Variants in C2orf42 observed in about 807,000 individuals in gnomAD.
The protein encoded by C2orf42 is uncharacterized protein C2orf42.
A neutral mutation model predicts 58.9 loss-of-function variants in C2orf42; 44 were observed. The observed-to-expected ratio is 0.75, with a 90% CI of 0.59 to 0.96. The LOEUF (loss-of-function observed/expected upper bound fraction) is 0.96, where lower values mean the gene tolerates loss of function less well. Ranked by LOEUF, C2orf42 falls within the 40% of genes least tolerant of loss-of-function variation. C2orf42 has a pLI of 0.00. For missense variants in C2orf42, 630 were observed against 699.2 expected (o/e 0.90, Z 1.12); for synonymous variants, 239 against 265.4 (o/e 0.90, Z 0.97).
At chr2:70,155,539 C>T (rs575335653) in intron 9 of C2orf42, among the ~76,000 whole-genome samples, 1 of 152,284 alleles carries the variant, frequency 6.6e-6, no homozygotes, top group Admixed American at 6.5e-5. Flanking sequence ...TGGCTCATGC[C>T]TGTAATCCCA....
chr2:70,175,375 G>A (rs1403033340), intron 5 of C2orf42, among the ~76,000 whole-genome samples: 4 of 152,130 alleles, frequency 2.6e-5, no homozygotes, highest in African/African-American at 9.7e-5. Context: ...GCCCCAGTGT[G>A]TGTTGCTCCC....
intron 6 of C2orf42, among the ~76,000 whole-genome samples, chr2:70,169,094 C>T (rs1186167594): frequency 6.6e-6 from 1 of 151,952 alleles, no homozygotes; most frequent in African/African-American, 2.4e-5. Flanking sequence ...TACAGGGTCT[C>T]GCTTCGTTTC....
At chr2:70,190,477 C>T (rs1675277043) in intron 1 of C2orf42, 1 of 152,226 alleles carries the variant, frequency 6.6e-6, no homozygotes, top group Admixed American at 6.5e-5. Flanking sequence ...CTATGTTACC[C>T]ATCTTAGAGA....
intron 9 of C2orf42, among the ~76,000 whole-genome samples, chr2:70,157,507 CTATA>C (rs1258902372): frequency 6.6e-6 from 1 of 151,526 alleles, no homozygotes; most frequent in African/African-American, 2.4e-5. Flanking sequence ...AATGAAAAAG[CTATA>C]TATAGCTGGG....
At chr2:70,179,867 G>C (rs1424360498) in intron 3 of C2orf42, among the ~76,000 whole-genome samples, 8 of 152,108 alleles carry the variant, frequency 5.3e-5, no homozygotes, top group African/African-American at 1.9e-4. Context: ...TAGCCCAGGA[G>C]GGTCAAGGCT....
Position 70,181,495 on chromosome 2 carries a change from T to C in C2orf42, c.491A>G (p.Glu164Gly), listed in dbSNP as rs199928301. 19 of 1,613,666 alleles carry C rather than the reference T, an allele frequency of 1.2e-5. No individual in the cohort carries two copies. The highest frequency in any genetic ancestry group is 1.2e-4 in the Admixed American group (7 of 60,000). ...SVLNAMQASPETKQTIWQLAT... is the reference protein window; with the variant it reads ...SVLNAMQASPGTKQTIWQLAT... ...CAACTGCCAGATGGTCTGTTTGGTT[T>C]CCGGGGAGGCCTGCATTGCATTCAG... The change falls in exon 3 of 10, where the codon GAA becomes GGA. Residue 164 changes from glutamate to glycine, a missense_variant. Coordinates refer to ENST00000264434, the MANE Select transcript of C2orf42 (RefSeq NM_017880.3).
At chr2:70,171,666 C>T (rs953534744) in intron 5 of C2orf42, among the ~76,000 whole-genome samples, 1 of 151,904 alleles carries the variant, frequency 6.6e-6, no homozygotes, top group East Asian at 2.0e-4. Context: ...CACCTGCTAC[C>T]GTGCCTGGCT....
At chr2:70,179,408 T>C in intron 4 of C2orf42, 124 bp downstream of exon 4, 1 of 347,008 alleles carries the variant, frequency 2.9e-6, no homozygotes, top group Admixed American at 4.5e-5. Context: ...TGTCTCTTTA[T>C]TTTAATAAAA....
Position 70,150,336 on chromosome 2 carries a change from G to T in C2orf42, c.*20C>A, listed in dbSNP as rs753385024. On this transcript the variant is annotated 3_prime_UTR_variant, in exon 10 of 10. Transcript: ENST00000264434. The stretch of plus-strand genomic sequence containing the variant: ...GGGATGTGCAAATTAAGCAGCAAAA[G>T]ATTATTATCTTGTTTTGCTTTAAGG... The T allele has an allele frequency of 1.9e-6, 3 of 1,603,848 alleles. No homozygotes were observed. Among genetic ancestry groups the T allele is most frequent in the Non-Finnish European group, 1.7e-6 (2 of 1,172,364 alleles).
At chr2:70,158,772 T>C (rs1248678026) in intron 9 of C2orf42, among the ~76,000 whole-genome samples, 2 of 152,102 alleles carry the variant, frequency 1.3e-5, no homozygotes, top group African/African-American at 2.4e-5. Context: ...TTTGTATTTT[T>C]AGTAGAGATG....
At chr2:70,183,852 C>A (rs983436343) in intron 1 of C2orf42, among the ~76,000 whole-genome samples, 1 of 152,172 alleles carries the variant, frequency 6.6e-6, no homozygotes, top group Admixed American at 6.6e-5. Context: ...CTTACCCAGG[C>A]TGGAGTGCAG....
intron 1 of C2orf42, among the ~76,000 whole-genome samples, chr2:70,188,596 T>A (rs545103996): frequency 7.2e-4 from 109 of 152,310 alleles, no homozygotes; most frequent in African/African-American, 2.1e-3. Context: ...AGTTTCCCAA[T>A]GTTAACATCA....
At chr2:70,177,475 C>G (rs1425845856) in intron 4 of C2orf42, among the ~76,000 whole-genome samples, 1 of 152,092 alleles carries the variant, frequency 6.6e-6, no homozygotes. Flanking sequence ...ACAACAATTT[C>G]TGCTCTATAT....
rs893089710 is a variant in C2orf42, at chr2:70,175,491, C to G, written c.1039+182G>C. Among the ~76,000 whole-genome samples, 3 of 152,160 alleles carry G rather than the reference C, an allele frequency of 2.0e-5. No individual in the cohort carries two copies. The South Asian group carries it at 6.2e-4, about 31-fold the overall frequency. ...TTAGTTTGCTAAGGATAATGGCCTCCAGCATAATTTAGCTTTGAGCATGAT... is the reference window on the plus strand; with the variant it reads ...TTAGTTTGCTAAGGATAATGGCCTCGAGCATAATTTAGCTTTGAGCATGAT... On this transcript the variant is annotated intron_variant, in intron 5 of 9. Transcript: ENST00000264434.
chr2:70,181,388 T>C lies in C2orf42; in HGVS notation c.598A>G (p.Ser200Gly). 2 of 1,614,158 alleles carry C rather than the reference T, an allele frequency of 1.2e-6. No homozygotes were observed. Among genetic ancestry groups the C allele is most frequent in the Non-Finnish European group, 1.7e-6 (2 of 1,180,002 alleles). ...VVKCKASQKH[S>G]LGYLHTSFVQ... Reference sequence around the variant, plus strand: ...AAAGATGTATGCAAATACCCCAAACTGTGCTTCTGGCTTGCCTTGCATTTC... The same window carrying C: ...AAAGATGTATGCAAATACCCCAAACCGTGCTTCTGGCTTGCCTTGCATTTC... The change falls in exon 3 of 10, where the codon AGT becomes GGT. Residue 200 changes from serine (S) to glycine (G), a missense_variant. Ser to Gly is a moderately conservative substitution (Grantham distance 56). Transcript: ENST00000264434.
intron 1 of C2orf42, among the ~76,000 whole-genome samples, chr2:70,183,708 G>A (rs1256585365): frequency 1.4e-5 from 2 of 140,660 alleles, no homozygotes; most frequent in Non-Finnish European, 3.0e-5. Flanking sequence ...GAGCCAATGC[G>A]CCCGGCCGAC....
At chr2:70,161,815 G>A (rs1673067087) in intron 8 of C2orf42, among the ~76,000 whole-genome samples, 1 of 149,350 alleles carries the variant, frequency 6.7e-6, no homozygotes, top group Admixed American at 6.7e-5. Flanking sequence ...ACTCCAGACT[G>A]GGCCACAAGA....
chr2:70,150,243 T>G lies in C2orf42; in HGVS notation c.*113A>C. On this transcript the variant is annotated 3_prime_UTR_variant, in exon 10 of 10. Transcript: ENST00000264434. ...AAGCACTGAGAATTTGCATCTTAGCTAAGAGCAGTTTACCAAGGAACAGGG... is the reference window on the plus strand; with the variant it reads ...AAGCACTGAGAATTTGCATCTTAGCGAAGAGCAGTTTACCAAGGAACAGGG... The G allele has an allele frequency of 2.4e-6, 2 of 832,398 alleles. No individual in the cohort carries two copies. The highest frequency in any genetic ancestry group is 3.9e-6 in the Non-Finnish European group (2 of 513,864). 51.6% of individuals were successfully genotyped at this position (832,398 alleles called of 1,614,324 possible). A position where few individuals can be genotyped will look rare whatever the true frequency, so the allele number is the denominator to read the frequency against.
chr2:70,168,882 G>A (rs1673596486), intron 6 of C2orf42, among the ~76,000 whole-genome samples: 1 of 151,498 alleles, frequency 6.6e-6, no homozygotes. Context: ...CTGGCTAATT[G>A]TTTTGTATTT....
Sources: gnomAD v4.1 joint callset for allele counts (sites outside exome capture counted in the v4.1 genomes callset) on GRCh38, gnomAD v4.1.1 for gene constraint, MANE v1.5 for transcripts, NCBI Gene and HGNC (gene_info 2026-07-23, HGNC 2026-07-21) for gene names.